GRIP1: variants seen among roughly 807,000 people sequenced by gnomAD.
GRIP1 encodes glutamate receptor-interacting protein 1.
GRIP1 carries 45 observed loss-of-function variants against 129.9 expected under a neutral mutation model. The observed-to-expected ratio is 0.35, with a 90% CI of 0.27 to 0.44. The LOEUF is 0.44. Among genes scored for constraint, GRIP1 ranks in the 20% least tolerant of loss-of-function variants. The pLI, the probability that GRIP1 is intolerant of heterozygous loss-of-function variation, is 1.00. For synonymous variants in GRIP1, 530 were observed against 520.8 expected (o/e 1.02, Z -0.24); for missense variants, 1,196 against 1,396.8 (o/e 0.86, Z 2.29).
At chr12:66,967,477 C>T (rs921049502) in intron 1 of GRIP1, among the ~76,000 whole-genome samples, 59 of 152,068 alleles carry the variant, frequency 3.9e-4, no homozygotes, top group African/African-American at 1.3e-3. Context: ...ACTGCTACTG[C>T]TAGTATATGG....
upstream of GRIP1, chr12:67,069,249 C>G: frequency 1.0e-5 from 3 of 300,652 alleles, no homozygotes; most frequent in Non-Finnish European, 1.5e-5. Flanking sequence ...AGGCGGCTCC[C>G]GGGCACATTG....
chr12:66,656,837 G>T (rs537576052), intron 1 of GRIP1, among the ~76,000 whole-genome samples: 15 of 152,234 alleles, frequency 9.9e-5, no homozygotes, highest in African/African-American at 3.1e-4. Context: ...AAGAAATGCA[G>T]TATTTACATG....
intron 1 of GRIP1, among the ~76,000 whole-genome samples, chr12:66,722,916 C>T (rs999246991): frequency 7.2e-5 from 11 of 152,014 alleles, no homozygotes; most frequent in Non-Finnish European, 1.5e-4. Flanking sequence ...TTGCCTGTCT[C>T]CTATAACTTT....
intron 4 of GRIP1, among the ~76,000 whole-genome samples, chr12:66,531,302 T>G (rs12317323): frequency 2.0e-5 from 2 of 98,216 alleles, no homozygotes; most frequent in South Asian, 3.4e-4. Flanking sequence ...TATATATATA[T>G]ACACACACAC....
At chr12:66,522,062 C>T (rs1403583485) in intron 5 of GRIP1, among the ~76,000 whole-genome samples, 1 of 152,202 alleles carries the variant, frequency 6.6e-6, no homozygotes, top group South Asian at 2.1e-4. Flanking sequence ...TCTGTAGGAT[C>T]CACCTCTCGG....
intron 1 of GRIP1, among the ~76,000 whole-genome samples, chr12:66,922,679 G>A (rs2041232652): frequency 6.6e-6 from 1 of 152,176 alleles, no homozygotes; most frequent in South Asian, 2.1e-4. Flanking sequence ...TCATTGACAG[G>A]CTTCTGGGAA....
chr12:66,787,825 C>T (rs1184308562), intron 1 of GRIP1, among the ~76,000 whole-genome samples: 12 of 152,068 alleles, frequency 7.9e-5, no homozygotes, highest in Non-Finnish European at 1.5e-5. Flanking sequence ...TAAGATACCC[C>T]CCAAAAGCAA....
At chr12:66,725,367 T>C in intron 1 of GRIP1, among the ~76,000 whole-genome samples, 1 of 152,082 alleles carries the variant, frequency 6.6e-6, no homozygotes, top group Non-Finnish European at 1.5e-5. Context: ...TATAATGTAA[T>C]GATAAACACT....
intron 1 of GRIP1, among the ~76,000 whole-genome samples, chr12:66,719,021 G>T (rs2136436135): frequency 6.6e-6 from 1 of 152,118 alleles, no homozygotes; most frequent in East Asian, 1.9e-4. Context: ...GCCCAACTAA[G>T]AAATTTTTTA....
At chr12:66,750,652 CTG>C (rs976798273) in intron 1 of GRIP1, among the ~76,000 whole-genome samples, 1 of 152,164 alleles carries the variant, frequency 6.6e-6, no homozygotes, top group African/African-American at 2.4e-5. Flanking sequence ...AGGTTTGACA[CTG>C]TGCAGCTTTA....
intron 2 of GRIP1, among the ~76,000 whole-genome samples, chr12:66,543,687 T>G (rs2061858311): frequency 6.6e-6 from 1 of 152,118 alleles, no homozygotes; most frequent in African/African-American, 2.4e-5. Flanking sequence ...AGTTAATAAT[T>G]AAAGTAACCA....
chr12:66,569,714 C>T (rs2062891573), intron 2 of GRIP1, among the ~76,000 whole-genome samples: 1 of 152,116 alleles, frequency 6.6e-6, no homozygotes, highest in Non-Finnish European at 1.5e-5. Context: ...TTGCAAGACC[C>T]CCACACTCTG....
At chr12:67,026,737 C>T (rs951551195) in intron 1 of GRIP1, among the ~76,000 whole-genome samples, 2 of 152,128 alleles carry the variant, frequency 1.3e-5, no homozygotes, top group Non-Finnish European at 2.9e-5. Context: ...CATGGTCAAT[C>T]TATTACAGAG....
chr12:67,026,045 G>A (rs1017386517), intron 1 of GRIP1, among the ~76,000 whole-genome samples: 3 of 152,008 alleles, frequency 2.0e-5, no homozygotes, highest in African/African-American at 4.8e-5. Flanking sequence ...TTCCCAATTA[G>A]GAGGTTAACT....
At chr12:66,712,842 T>A (rs566574396) in intron 1 of GRIP1, among the ~76,000 whole-genome samples, 1 of 152,140 alleles carries the variant, frequency 6.6e-6, no homozygotes, top group Non-Finnish European at 1.5e-5. Flanking sequence ...CTAGTACTTA[T>A]CACTATGTAG....
At chr12:66,357,354 C>T (rs541567900) in intron 23 of GRIP1, among the ~76,000 whole-genome samples, 26 of 152,310 alleles carry the variant, frequency 1.7e-4, no homozygotes, top group African/African-American at 6.3e-4. Context: ...ATTCCTCTGT[C>T]TCCCACATTT....
intron 1 of GRIP1, among the ~76,000 whole-genome samples, chr12:67,060,793 C>T (rs2043518875): frequency 1.4e-5 from 2 of 145,810 alleles, no homozygotes; most frequent in Admixed American, 1.4e-4. Flanking sequence ...CATTGCACTC[C>T]AGCCTGGGCA....
intron 1 of GRIP1, among the ~76,000 whole-genome samples, chr12:66,919,978 T>C (rs1346505422): frequency 2.0e-5 from 3 of 152,164 alleles, no homozygotes; most frequent in Non-Finnish European, 4.4e-5. Context: ...AAGGGCAGAT[T>C]AACTAGAAAT....
chr12:66,449,398 A>G (rs2058713815), intron 11 of GRIP1, among the ~76,000 whole-genome samples: 1 of 151,986 alleles, frequency 6.6e-6, no homozygotes, highest in South Asian at 2.1e-4. Context: ...ATTGCAGCTG[A>G]TGGGGCAAGG....
Sources: allele counts gnomAD v4.1 joint callset (sites outside exome capture counted in the v4.1 genomes callset), GRCh38; gene constraint gnomAD v4.1.1; transcripts MANE v1.5; gene names NCBI Gene and HGNC (gene_info 2026-07-23, HGNC 2026-07-21).